The following DNAAF4 variants were observed in gnomAD, a reference collection of about 807,000 sequenced individuals.
DNAAF4 encodes dynein axonemal assembly factor 4.
A neutral mutation model predicts 51.8 loss-of-function variants in DNAAF4; 43 were observed. The ratio of observed to expected loss-of-function variants is 0.83; its 90% confidence interval spans 0.65 to 1.07. DNAAF4 has a LOEUF of 1.07. Ranked by LOEUF, DNAAF4 falls within the 50% of genes least tolerant of loss-of-function variation. DNAAF4 has a pLI of 0.00. For synonymous variants in DNAAF4, 194 were observed against 165.6 expected (o/e 1.17, Z -1.32); for missense variants, 581 against 493.0 (o/e 1.18, Z -1.69).
downstream of DNAAF4, among the ~76,000 whole-genome samples, chr15:55,428,104 C>A (rs1026638144): frequency 3.9e-5 from 6 of 152,024 alleles, no homozygotes; most frequent in African/African-American, 1.4e-4. Flanking sequence ...CAAGCACCTG[C>A]CACCATGCCC....
chr15:55,423,267 G>A (rs2057402963), intron 7 of DNAAF4, among the ~76,000 whole-genome samples: 1 of 151,488 alleles, frequency 6.6e-6, no homozygotes, highest in Non-Finnish European at 1.5e-5. Flanking sequence ...AATGACACAA[G>A]CACAGCTCAC....
chr15:55,496,920 T>C (rs1020428898), intron 3 of DNAAF4, among the ~76,000 whole-genome samples: 3 of 152,320 alleles, frequency 2.0e-5, no homozygotes, highest in South Asian at 4.1e-4. Context: ...GGAACCCAAG[T>C]GTCATAAATC....
intron 5 of DNAAF4, among the ~76,000 whole-genome samples, chr15:55,459,949 G>C (rs532433320): frequency 6.6e-6 from 1 of 151,704 alleles, no homozygotes; most frequent in Admixed American, 6.6e-5. Context: ...TAATCTGCCC[G>C]CCTCGGCCTC....
intron 7 of DNAAF4, among the ~76,000 whole-genome samples, chr15:55,424,815 C>T (rs1018178474): frequency 6.6e-6 from 1 of 152,084 alleles, no homozygotes; most frequent in East Asian, 1.9e-4. Flanking sequence ...CCTGCCTCAG[C>T]CTCCCAAAGT....
At chr15:55,506,938 C>T (rs2058730243) in intron 1 of DNAAF4, among the ~76,000 whole-genome samples, 2 of 152,084 alleles carry the variant, frequency 1.3e-5, no homozygotes, top group South Asian at 4.2e-4. Flanking sequence ...CAATCTCTGC[C>T]TCCCAGGTTC....
chr15:55,466,798 T>G (rs1567020087), intron 5 of DNAAF4, 132 bp downstream of exon 5: 1 of 1,051,592 alleles, frequency 9.5e-7, no homozygotes, highest in East Asian at 2.8e-5. Context: ...CTTTAGTCTT[T>G]GTACTGAATT....
rs1265910014 is a variant in DNAAF4, at chr15:55,437,299, AGAG to A, written c.893+2170_893+2172del. Among the ~76,000 whole-genome samples, 17 of 152,318 alleles carry A rather than the reference AGAG, an allele frequency of 1.1e-4. No homozygotes were observed. In the East Asian group the frequency reaches 2.1e-3, roughly 19 times the overall value. On this transcript the variant is annotated intron_variant, in intron 7 of 9. Transcript: ENST00000321149. Reference sequence around the variant, plus strand: ...AGGAAGGAAGAAAGGAAGAAGAGAAAGAGGAGGAAAGATTATATATGGTTTTAC... The same window carrying A: ...AGGAAGGAAGAAAGGAAGAAGAGAAAGAGGAAAGATTATATATGGTTTTAC...
chr15:55,436,965 T>C (rs1319164612), intron 7 of DNAAF4, among the ~76,000 whole-genome samples: 1 of 151,926 alleles, frequency 6.6e-6, no homozygotes, highest in Admixed American at 6.6e-5. Flanking sequence ...GGATTACAGG[T>C]ATGCGCCACC....
At chr15:55,428,115 G>C (rs965878955), downstream of DNAAF4, among the ~76,000 whole-genome samples, 1 of 151,502 alleles carries the variant, frequency 6.6e-6, no homozygotes, top group Non-Finnish European at 1.5e-5. Context: ...CACCATGCCC[G>C]GCTAATTTTT....
chr15:55,498,837 G>C (rs1243000164), intron 1 of DNAAF4, among the ~76,000 whole-genome samples: 1 of 151,420 alleles, frequency 6.6e-6, no homozygotes, highest in African/African-American at 2.4e-5. Context: ...CTTGAACCCG[G>C]GAGGCAGGGG....
intron 1 of DNAAF4, among the ~76,000 whole-genome samples, chr15:55,502,546 T>A (rs1412727308): frequency 6.6e-6 from 1 of 152,142 alleles, no homozygotes; most frequent in African/African-American, 2.4e-5. Flanking sequence ...TTTGTATGTT[T>A]TTTGTATTGT....
In DNAAF4 at chr15:55,453,589, C is replaced by A. The variant is rs536161747; in HGVS notation, c.638-3222G>T. Among the ~76,000 whole-genome samples the A allele has an allele frequency of 3.8e-5, 5 of 131,818 alleles. No homozygotes were observed. In the East Asian group the frequency reaches 6.4e-4, roughly 17 times the overall value. The allele number at this position is 131,818 out of a possible 152,430, so 86.5% of individuals were successfully genotyped here. ...TTTTTGAGACAGCATCTTGCTCTGT[C>A]GCCTAGGCTGGAGTGTAGTGGCGCG... On this transcript the variant is annotated intron_variant, in intron 5 of 9. Transcript: ENST00000321149.
intron 1 of DNAAF4, among the ~76,000 whole-genome samples, chr15:55,499,510 C>A (rs1487805326): frequency 6.6e-6 from 1 of 152,176 alleles, no homozygotes; most frequent in Non-Finnish European, 1.5e-5. Flanking sequence ...GCAAACTGTT[C>A]CCTGAAATAG....
intron 4 of DNAAF4, among the ~76,000 whole-genome samples, chr15:55,482,350 C>T (rs554524112): frequency 6.6e-6 from 1 of 152,292 alleles, no homozygotes; most frequent in East Asian, 1.9e-4. Context: ...CCCAGCAATT[C>T]TATTCCTAAG....
rs1322169594 is a variant in DNAAF4, at chr15:55,467,070, T to C, written c.497A>G (p.Gln166Arg). 5 of 1,552,550 alleles carry C rather than the reference T, an allele frequency of 3.2e-6. No homozygotes were observed. The highest frequency in any genetic ancestry group is 1.4e-5 in the African/African-American group (1 of 72,414). Residue 166 changes from glutamine to arginine, a missense_variant, in exon 5 of 10, where the codon CAA (glutamine) becomes CGA (arginine). Physicochemically the swap from Gln to Arg is conservative, Grantham distance 43. Transcript: ENST00000321149. ...TTTTTTTTGCTCCTCAGCTTTTCTT[T>C]GATATTCTTTCCAGGCTTCCAATGC... is the stretch of plus-strand genomic sequence containing the variant. ...TKALEAWKEYQRKAEEQKKIQ... is the reference protein window; with the variant it reads ...TKALEAWKEYRRKAEEQKKIQ...
chr15:55,478,721 A>G (rs182364958), intron 4 of DNAAF4, among the ~76,000 whole-genome samples: 3 of 152,316 alleles, frequency 2.0e-5, no homozygotes, highest in Admixed American at 6.5e-5. Context: ...TACGGAAATG[A>G]CAAAGGTTAC....
Position 55,491,208 on chromosome 15 carries a change from G to A in DNAAF4, c.320C>T (p.Ala107Val), listed in dbSNP as rs1258422916. ...QRIREKSILQ[A>V]QERAKEATEA... ...TGTAGCTTCTTTTGCTCTCTCTTGT[G>A]CTTGTAAAATAGATTTTTCTCTAAT... Residue 107 changes from alanine to valine, a missense_variant, in exon 4 of 10, where the codon GCA becomes GTA. Coordinates refer to ENST00000321149, the MANE Select transcript of DNAAF4 (RefSeq NM_130810.4). The A allele has an allele frequency of 5.0e-6, 8 of 1,613,746 alleles. No homozygotes were observed. The highest frequency in any genetic ancestry group is 5.9e-6 in the Non-Finnish European group (7 of 1,179,920).
rs374947782 is a variant in DNAAF4 at position 55,466,883 on chromosome 15, A to T, written c.637+47T>A. On this transcript the variant is annotated intron_variant, in intron 5 of 9. Coordinates refer to ENST00000321149, the MANE Select transcript of DNAAF4 (RefSeq NM_130810.4). ...ACAAAAAAAGAAAAGCGTCATATAT[A>T]CTTCACCAACAGGACTCACTACTCA... 72 of 1,571,942 alleles carry T rather than the reference A, an allele frequency of 4.6e-5. No homozygotes were observed. In the East Asian group the frequency reaches 6.6e-4, roughly 14 times the overall value.
At chr15:55,503,681 TC>T (rs2058711534) in intron 1 of DNAAF4, among the ~76,000 whole-genome samples, 1 of 152,126 alleles carries the variant, frequency 6.6e-6, no homozygotes, top group Admixed American at 6.5e-5. Context: ...AACCACATGA[TC>T]ATCTGAATAG....
Sources: allele counts gnomAD v4.1 joint callset (sites outside exome capture counted in the v4.1 genomes callset), GRCh38; gene constraint gnomAD v4.1.1; transcripts MANE v1.5; gene names NCBI Gene and HGNC (gene_info 2026-07-23, HGNC 2026-07-21).